Variants in LRRC37A2 observed in about 807,000 individuals in gnomAD.
The protein encoded by LRRC37A2 is leucine rich repeat containing 37 member A2.
Under a neutral mutation model 68.8 loss-of-function variants are expected in LRRC37A2, and 9 were observed. The observed-to-expected ratio is 0.13, with a 90% CI of 0.08 to 0.23. The LOEUF (loss-of-function observed/expected upper bound fraction) is 0.23, where lower values mean the gene tolerates loss of function less well. Ranked by LOEUF, LRRC37A2 falls within the 10% of genes least tolerant of loss-of-function variation. The pLI is 1.00. For missense variants in LRRC37A2, 168 were observed against 950.4 expected, an observed-to-expected ratio of 0.18 and a Z score of 10.82; for synonymous variants, 63 against 367.6, an observed-to-expected ratio of 0.17 and a Z score of 9.48.
At chr17:46,759,340 G>T in the LRRC37A2 span, among the ~76,000 whole-genome samples, 1 of 152,242 alleles carries the variant, frequency 6.6e-6, no homozygotes, top group South Asian at 2.1e-4. Flanking sequence ...CTGGAGACGA[G>T]CCCACAAGGG....
At chr17:46,984,454 C>T in the LRRC37A2 span, among the ~76,000 whole-genome samples, 2 of 152,166 alleles carry the variant, frequency 1.3e-5, no homozygotes, top group African/African-American at 4.8e-5. Context: ...GAAGCCAGTG[C>T]CTCTGGGCCA....
chr17:46,845,785 C>CTTTT, the LRRC37A2 span, among the ~76,000 whole-genome samples: 5 of 86,782 alleles, frequency 5.8e-5, no homozygotes, highest in Non-Finnish European at 1.0e-4. Context: ...ACTGTGCTGG[C>CTTTT]TTTTTTTTTT....
chr17:46,833,512 T>C, the LRRC37A2 span: 1 of 448,940 alleles, frequency 2.2e-6, no homozygotes, highest in Admixed American at 2.4e-5. Flanking sequence ...GCCTGACTTC[T>C]CTCTGAGCTT....
At chr17:46,989,023 T>C in the LRRC37A2 span, among the ~76,000 whole-genome samples, 2 of 152,148 alleles carry the variant, frequency 1.3e-5, no homozygotes, top group African/African-American at 4.8e-5. Flanking sequence ...ACACAGGAAA[T>C]GAGTGTTTCA....
chr17:46,896,339 GAGAA>G, the LRRC37A2 span, among the ~76,000 whole-genome samples: 15 of 147,114 alleles, frequency 1.0e-4, no homozygotes, highest in East Asian at 6.1e-4. Context: ...AAGAGAGAGA[GAGAA>G]AGAAAGAAAG....
the LRRC37A2 span, among the ~76,000 whole-genome samples, chr17:46,943,348 A>G: frequency 1.3e-5 from 2 of 152,120 alleles, no homozygotes; most frequent in African/African-American, 4.8e-5. Context: ...CTGCCCCTGC[A>G]GTGCAGCCCC....
chr17:46,861,114 C>A, the LRRC37A2 span, among the ~76,000 whole-genome samples: 2 of 152,234 alleles, frequency 1.3e-5, no homozygotes, highest in Non-Finnish European at 2.9e-5. Context: ...GGCAGTGGAA[C>A]CCCAACTGGA....
the LRRC37A2 span, among the ~76,000 whole-genome samples, chr17:46,812,977 C>T: frequency 6.6e-6 from 1 of 152,190 alleles, no homozygotes; most frequent in Admixed American, 6.5e-5. Context: ...TTAACTTGCC[C>T]TAGTTACCCA....
the LRRC37A2 span, among the ~76,000 whole-genome samples, chr17:46,836,095 C>CTGTGTGTGTGTGTGT: frequency 2.4e-5 from 3 of 126,434 alleles, no homozygotes; most frequent in African/African-American, 6.4e-5. Context: ...GAGACGCTGA[C>CTGTGTGTGTGTGTGT]GTGTGTGTGT....
the LRRC37A2 span, among the ~76,000 whole-genome samples, chr17:46,501,212 G>C: frequency 6.6e-6 from 1 of 151,164 alleles, no homozygotes; most frequent in African/African-American, 2.5e-5. Flanking sequence ...CGGAGTCTCT[G>C]TTGCCTAGGC....
the LRRC37A2 span, among the ~76,000 whole-genome samples, chr17:47,036,800 T>C: frequency 6.6e-6 from 1 of 151,134 alleles, no homozygotes; most frequent in African/African-American, 2.4e-5. Context: ...TTTTACAAGA[T>C]TATTTTCCTA....
At chr17:46,856,798 A>G in the LRRC37A2 span, among the ~76,000 whole-genome samples, 4 of 152,206 alleles carry the variant, frequency 2.6e-5, no homozygotes, top group Non-Finnish European at 5.9e-5. Flanking sequence ...CATGCATTTT[A>G]AATTGCACAG....
chr17:47,048,068 A>G, the LRRC37A2 span, among the ~76,000 whole-genome samples: 3 of 136,322 alleles, frequency 2.2e-5, no homozygotes, highest in African/African-American at 5.4e-5. Flanking sequence ...TTTTTTTACC[A>G]ATTATATTAT....
At chr17:46,973,555 A>T in the LRRC37A2 span, among the ~76,000 whole-genome samples, 1 of 152,042 alleles carries the variant, frequency 6.6e-6, no homozygotes, top group Non-Finnish European at 1.5e-5. Flanking sequence ...TTATCATGGG[A>T]TCTCAAGTCT....
intron 11 of LRRC37A2, among the ~76,000 whole-genome samples, chr17:46,550,733 G>C (rs886654509): frequency 2.3e-5 from 3 of 130,124 alleles, no homozygotes; most frequent in African/African-American, 9.4e-5. Flanking sequence ...TCTGTGAATT[G>C]AAACCATGTG....
chr17:46,966,773 C>G, the LRRC37A2 span: 1 of 452,790 alleles, frequency 2.2e-6, no homozygotes, highest in Admixed American at 4.1e-5. Context: ...ACAATAGCAC[C>G]TGCCTTGCAA....
the LRRC37A2 span, among the ~76,000 whole-genome samples, chr17:46,976,630 TA>T: frequency 1.2e-4 from 18 of 152,138 alleles, no homozygotes; most frequent in African/African-American, 4.3e-4. Flanking sequence ...GTAGCAGACC[TA>T]TTTTATTAGA....
chr17:46,779,053 T>TCACACACA, the LRRC37A2 span, among the ~76,000 whole-genome samples: 8,330 of 100,384 alleles, frequency 0.083, 536 homozygotes, highest in African/African-American at 0.095. Context: ...CCCTACCCCA[T>TCACACACA]CACACACACA....
the LRRC37A2 span, among the ~76,000 whole-genome samples, chr17:46,999,179 C>T: frequency 1.8e-4 from 28 of 152,364 alleles, no homozygotes; most frequent in Non-Finnish European, 2.6e-4. Flanking sequence ...AAGGCCCACA[C>T]GTTAGTGTCA....
Sources: allele counts gnomAD v4.1 joint callset (sites outside exome capture counted in the v4.1 genomes callset), GRCh38; gene constraint gnomAD v4.1.1; transcripts MANE v1.5; gene names NCBI Gene and HGNC (gene_info 2026-07-23, HGNC 2026-07-21).